RBM7: variants seen among roughly 807,000 people sequenced by gnomAD.
RBM7 encodes RNA-binding protein 7.
A neutral mutation model predicts 31.0 loss-of-function variants in RBM7; 13 were observed. The ratio of observed to expected loss-of-function variants is 0.42; its 90% CI spans 0.27 to 0.67. The LOEUF is 0.67. Among genes scored for constraint, RBM7 ranks in the 30% least tolerant of loss-of-function variants. RBM7 has a pLI of 0.24. For synonymous variants in RBM7, 106 were observed against 111.2 expected (o/e 0.95, Z 0.30); for missense variants, 245 against 326.2 (o/e 0.75, Z 1.92).
rs1946292571 is a variant in RBM7 at position 114,408,191 on chromosome 11, T to C, written c.*384T>C. The C allele has an allele frequency of 6.5e-6, 1 of 154,218 alleles. No individual in the cohort carries two copies. The highest frequency in any genetic ancestry group is 2.4e-5 in the African/African-American group (1 of 41,498). The allele number at this position is 154,218 out of a possible 1,614,324, so 9.6% of individuals were successfully genotyped here. A position where few individuals can be genotyped will look rare whatever the true frequency, so the allele number is the denominator to read the frequency against. On this transcript the variant is annotated 3_prime_UTR_variant, in exon 5 of 5. Coordinates refer to ENST00000375490, the MANE Select transcript of RBM7 (RefSeq NM_001286045.2). The stretch of plus-strand genomic sequence containing the variant: ...CAGGTTGACAGTCTAAAATGGCTAC[T>C]GGTATTTTAGTTAATTCAAAAATGA...
chr11:114,408,979 A>G lies in RBM7; in HGVS notation c.*1172A>G, dbSNP rs1035396445. On this transcript the variant is annotated 3_prime_UTR_variant, in exon 5 of 5. Transcript: ENST00000375490. The stretch of plus-strand genomic sequence containing the variant: ...GAGACATTGTACACAAAGAATTAAC[A>G]TACTTTTATTCACTGATTGCCTGCT... 1.3e-5 allele frequency: 2 copies of G among 152,084 alleles called. No individual in the cohort carries two copies. Among genetic ancestry groups the G allele is most frequent in the African/African-American group, 4.8e-5 (2 of 41,354 alleles). 9.4% of individuals were successfully genotyped at this position (152,084 alleles called of 1,614,324 possible). A position where few individuals can be genotyped will look rare whatever the true frequency, so the allele number is the denominator to read the frequency against.
Position 114,410,563 on chromosome 11 carries a change from A to T in RBM7, c.*2756A>T, listed in dbSNP as rs1037022652. 6.6e-6 allele frequency: 1 copy of T among 152,198 alleles called. No individual in the cohort carries two copies. The highest frequency in any genetic ancestry group is 2.4e-5 in the African/African-American group (1 of 41,420). The allele number at this position is 152,198 out of a possible 1,614,324, so 9.4% of individuals were successfully genotyped here. A position where few individuals can be genotyped will look rare whatever the true frequency, so the allele number is the denominator to read the frequency against. Reference sequence around the variant, plus strand: ...TATTCCACACTCTTAAGAATTGAAGATGTAAATCTGTCACTCGCCTGAATA... The same window carrying T: ...TATTCCACACTCTTAAGAATTGAAGTTGTAAATCTGTCACTCGCCTGAATA... On this transcript the variant is annotated 3_prime_UTR_variant, in exon 5 of 5. Coordinates refer to ENST00000375490, the MANE Select transcript of RBM7 (RefSeq NM_001286045.2).
Position 114,402,771 on chromosome 11 carries a change from C to T in RBM7, c.260-57C>T, listed in dbSNP as rs1946221986. 5.5e-6 allele frequency: 8 copies of T among 1,449,152 alleles called. No homozygotes were observed. In the East Asian group the frequency reaches 1.6e-4, roughly 29 times the overall value. 89.8% of individuals were successfully genotyped at this position (1,449,152 alleles called of 1,614,324 possible). A position where few individuals can be genotyped will look rare whatever the true frequency, so the allele number is the denominator to read the frequency against. On this transcript the variant is annotated intron_variant, in intron 2 of 4. Coordinates refer to ENST00000375490, the MANE Select transcript of RBM7 (RefSeq NM_001286045.2). ...TTGGAGTGATTTCAAGTGGGGAAGA[C>T]AAAATTTCAAATTAGATTTTCTATC...
intron 2 of RBM7, 112 bp from the exon 3 acceptor site, chr11:114,402,716 A>AT (rs1204917287): frequency 1.0e-6 from 1 of 961,326 alleles, no homozygotes; most frequent in Non-Finnish European, 1.6e-6. Context: ...GTAGTTTGAG[A>AT]TTTTTCTCTT....
rs750208643 is a variant in RBM7, at chr11:114,401,877, G to T, written c.259+17G>T. On this transcript the variant is annotated intron_variant, in intron 2 of 4. Transcript: ENST00000375490. Reference sequence around the variant, plus strand: ...TTAGATCAGGTAACTGCCCAATGAGGTTCGGGGGGCATTGTTTCCTGCTGT... The same window carrying T: ...TTAGATCAGGTAACTGCCCAATGAGTTTCGGGGGGCATTGTTTCCTGCTGT... 9 of 1,559,168 alleles carry T rather than the reference G, an allele frequency of 5.8e-6. No individual in the cohort carries two copies. In the Admixed American group the frequency reaches 1.7e-4, roughly 30 times the overall value.
chr11:114,400,688 CG>C lies in RBM7; in HGVS notation c.19del (p.Glu7LysfsTer15). MGAAA[A>X]EADRTLFVGN... ...GACGCTGAGATGGGGGCGGCGGCGG[CG>C]GAAGCGGATCGCACTCTCTTTGTGG... On this transcript the variant is annotated frameshift_variant, in exon 1 of 5. Transcript: ENST00000375490. LOFTEE classifies it high-confidence loss of function. The C allele has an allele frequency of 1.2e-6, 2 of 1,614,194 alleles. No homozygotes were observed. The highest frequency in any genetic ancestry group is 1.7e-6 in the Non-Finnish European group (2 of 1,180,036).
In RBM7 at chr11:114,407,643, T is replaced by G. The variant is rs1946284236; in HGVS notation, c.640T>G (p.Tyr214Asp). Residue 214 changes from tyrosine (Y) to aspartate (D), a missense_variant, in exon 5 of 5, where the codon TAT becomes GAT. Tyr to Asp is a radical substitution (Grantham distance 160, BLOSUM62 -3). Coordinates refer to ENST00000375490, the MANE Select transcript of RBM7 (RefSeq NM_001286045.2). ...TTATCCCTACCTAGCAGATAGACAT[T>G]ATAGCCGGGAACAGCGTTACACTGA... ...NSYPYLADRH[Y>D]SREQRYTDHG... 6.2e-7 allele frequency: 1 copy of G among 1,613,932 alleles called. No individual in the cohort carries two copies.
rs1370487209 is a variant in RBM7, at chr11:114,407,868, T to TA, written c.*61_*62insA. 8.0e-6 allele frequency: 12 copies of TA among 1,492,620 alleles called. No homozygotes were observed. In the Admixed American group the frequency reaches 1.1e-4, roughly 14 times the overall value. The allele number at this position is 1,492,620 out of a possible 1,614,324, so 92.5% of individuals were successfully genotyped here. On this transcript the variant is annotated 3_prime_UTR_variant, in exon 5 of 5. Transcript: ENST00000375490. ...TTTAGGCCCTTTGACTAAGTTGATATGGAAATATTTTGTTGAAAAACTGTA... is the reference window on the plus strand; with the variant it reads ...TTTAGGCCCTTTGACTAAGTTGATATAGGAAATATTTTGTTGAAAAACTGTA...
At position 114,408,033 on chromosome 11, in the gene RBM7, G is replaced by T. The variant is rs1369218115; in HGVS notation, c.*226G>T. On this transcript the variant is annotated 3_prime_UTR_variant, in exon 5 of 5. Coordinates refer to ENST00000375490, the MANE Select transcript of RBM7 (RefSeq NM_001286045.2). ...GAAGAGGAAAGGGTTTTATGCAAAA[G>T]AAAGTGCTACAATTCCTAATCATTT... is the stretch of plus-strand genomic sequence containing the variant. 2.4e-5 allele frequency: 9 copies of T among 369,806 alleles called. No individual in the cohort carries two copies. The highest frequency in any genetic ancestry group is 3.8e-5 in the Non-Finnish European group (8 of 211,370). 22.9% of individuals were successfully genotyped at this position (369,806 alleles called of 1,614,324 possible).
intron 3 of RBM7, among the ~76,000 whole-genome samples, chr11:114,403,197 A>T (rs1946227275): frequency 6.6e-6 from 1 of 152,224 alleles, no homozygotes; most frequent in Non-Finnish European, 1.5e-5. Context: ...TGTACAGTAC[A>T]TGTATACACT....
At chr11:114,400,843 CT>C (rs1371630487) in intron 1 of RBM7, 76 bp downstream of exon 1, 6 of 1,557,076 alleles carry the variant, frequency 3.9e-6, no homozygotes, top group Non-Finnish European at 5.3e-6. Flanking sequence ...ACCCCGTTTT[CT>C]TTTCGTAGCC....
chr11:114,405,358 A>G (rs1946253610), intron 3 of RBM7, among the ~76,000 whole-genome samples: 2 of 152,226 alleles, frequency 1.3e-5, no homozygotes, highest in African/African-American at 4.8e-5. Flanking sequence ...CACTGGCTAT[A>G]CTTGCTCACC....
chr11:114,400,830 G>GCCACC, intron 1 of RBM7, 63 bp downstream of exon 1: 1 of 1,583,682 alleles, frequency 6.3e-7, no homozygotes. Context: ...CTGGCCAGCG[G>GCCACC]CCACCCCGTT....
At position 114,407,301 on chromosome 11, in the gene RBM7, T is replaced by C. The variant is rs1020155633; in HGVS notation, c.442-144T>C. On this transcript the variant is annotated intron_variant, in intron 4 of 4. Coordinates refer to ENST00000375490, the MANE Select transcript of RBM7 (RefSeq NM_001286045.2). ...TGTATCTTGTAGGTATACATTGGAA[T>C]GATTGAAGCTATTGTACTGCTTTAG... 14 of 725,770 alleles carry C rather than the reference T, an allele frequency of 1.9e-5. No individual in the cohort carries two copies. In the African/African-American group the frequency reaches 2.3e-4, roughly 12 times the overall value. 45.0% of individuals were successfully genotyped at this position (725,770 alleles called of 1,614,324 possible).
chr11:114,401,683 C>T lies in RBM7; in HGVS notation c.97-15C>T, dbSNP rs780531340. On this transcript the variant is annotated splice_polypyrimidine_tract_variant and intron_variant, in intron 1 of 4. Coordinates refer to ENST00000375490, the MANE Select transcript of RBM7 (RefSeq NM_001286045.2). Reference sequence around the variant, plus strand: ...AGTTGCTTTATTTAAATTCTAAACACCTTTTTGTTTGTAGGCTGGGCCAGT... The same window carrying T: ...AGTTGCTTTATTTAAATTCTAAACATCTTTTTGTTTGTAGGCTGGGCCAGT... 1.3e-6 allele frequency: 2 copies of T among 1,483,130 alleles called. No homozygotes were observed. Among genetic ancestry groups the T allele is most frequent in the Admixed American group, 5.5e-5 (2 of 36,262 alleles). 91.9% of individuals were successfully genotyped at this position (1,483,130 alleles called of 1,614,324 possible).
chr11:114,401,877 G>GT lies in RBM7; in HGVS notation c.259+19dup. 1 of 1,559,286 alleles carries GT rather than the reference G, an allele frequency of 6.4e-7. No individual in the cohort carries two copies. The highest frequency in any genetic ancestry group is 8.6e-7 in the Non-Finnish European group (1 of 1,160,554). ...TTAGATCAGGTAACTGCCCAATGAG[G>GT]TTCGGGGGGCATTGTTTCCTGCTGT... On this transcript the variant is annotated intron_variant, in intron 2 of 4. Coordinates refer to ENST00000375490, the MANE Select transcript of RBM7 (RefSeq NM_001286045.2).
intron 2 of RBM7, chr11:114,402,065 A>C (rs1408067163): frequency 4.9e-5 from 25 of 506,990 alleles, no homozygotes; most frequent in Non-Finnish European, 6.9e-5. Flanking sequence ...AACTGAGCTT[A>C]AAGTTTCATT....
At chr11:114,403,112 GTA>G (rs777687830) in intron 3 of RBM7, among the ~76,000 whole-genome samples, 197 bp downstream of exon 3, 24 of 152,068 alleles carry the variant, frequency 1.6e-4, no homozygotes, top group Non-Finnish European at 2.6e-4. Flanking sequence ...CAAACACATT[GTA>G]TATAGTCCCC....
At chr11:114,403,006 A>C in intron 3 of RBM7, 91 bp downstream of exon 3, 1 of 1,091,652 alleles carries the variant, frequency 9.2e-7, no homozygotes, top group Non-Finnish European at 1.4e-6. Context: ...CTCCTTCATT[A>C]TTCTCTTATC....
Sources: allele counts gnomAD v4.1 joint callset (sites outside exome capture counted in the v4.1 genomes callset), GRCh38; gene constraint gnomAD v4.1.1; transcripts MANE v1.5; gene names NCBI Gene and HGNC (gene_info 2026-07-23, HGNC 2026-07-21).